Variants in TOX observed in about 807,000 individuals in gnomAD.
TOX encodes the protein thymocyte selection-associated high mobility group box protein TOX.
Under a neutral mutation model 53.7 loss-of-function variants are expected in TOX, and 11 were observed. That is an observed-to-expected ratio of 0.20 (90% CI 0.13 to 0.34). The LOEUF (loss-of-function observed/expected upper bound fraction) is 0.34, where lower values mean the gene tolerates loss of function less well. TOX is among the 10% of genes least tolerant of loss of function. The pLI, the probability that TOX is intolerant of heterozygous loss-of-function variation, is 1.00. For missense variants in TOX, 570 were observed against 664.6 expected, an observed-to-expected ratio of 0.86 and a Z score of 1.56; for synonymous variants, 225 against 245.3, an observed-to-expected ratio of 0.92 and a Z score of 0.77.
intron 5 of TOX, among the ~76,000 whole-genome samples, chr8:58,834,607 T>C (rs1810517775): frequency 6.6e-6 from 1 of 152,168 alleles, no homozygotes; most frequent in African/African-American, 2.4e-5. Flanking sequence ...TTTGCTGAAA[T>C]TTTCTGGATG....
intron 6 of TOX, among the ~76,000 whole-genome samples, chr8:58,823,842 G>A (rs922752626): frequency 7.9e-5 from 12 of 152,150 alleles, no homozygotes; most frequent in Admixed American, 2.6e-4. Flanking sequence ...ACTATGACAT[G>A]GCCACAAATT....
At chr8:59,011,059 C>G (rs887133181) in intron 1 of TOX, among the ~76,000 whole-genome samples, 1 of 152,156 alleles carries the variant, frequency 6.6e-6, no homozygotes, top group African/African-American at 2.4e-5. Flanking sequence ...ATGGAAAAAC[C>G]ATGAGGTTAA....
chr8:59,033,523 G>A (rs1403754340), intron 1 of TOX, among the ~76,000 whole-genome samples: 3 of 152,136 alleles, frequency 2.0e-5, no homozygotes, highest in African/African-American at 7.2e-5. Context: ...GGTTTAAATG[G>A]TAAATTTCAT....
intron 1 of TOX, among the ~76,000 whole-genome samples, chr8:59,012,353 G>T (rs963438807): frequency 6.6e-6 from 1 of 151,964 alleles, no homozygotes; most frequent in South Asian, 2.1e-4. Flanking sequence ...AATACCACGA[G>T]GGGGTGTTGG....
At chr8:59,098,578 T>C (rs1485561029) in intron 1 of TOX, among the ~76,000 whole-genome samples, 1 of 152,144 alleles carries the variant, frequency 6.6e-6, no homozygotes, top group Non-Finnish European at 1.5e-5. Flanking sequence ...AATAGGGCCT[T>C]TCAAGTTGCC....
intron 3 of TOX, among the ~76,000 whole-genome samples, chr8:58,869,207 C>CAG (rs1433900039): frequency 1.7e-5 from 2 of 115,902 alleles, no homozygotes; most frequent in East Asian, 5.2e-4. Context: ...AGTCTGGCAA[C>CAG]AGAGCGAGAC....
intron 1 of TOX, among the ~76,000 whole-genome samples, chr8:59,023,425 C>T (rs1814174663): frequency 1.4e-5 from 2 of 147,114 alleles, no homozygotes; most frequent in Admixed American, 6.8e-5. Flanking sequence ...TGGTCAGTCT[C>T]TGAATTTTAC....
In TOX at chr8:58,881,723, C is replaced by CAAAA. The variant is rs11316154; in HGVS notation, c.412-29922_412-29919dup. Among the ~76,000 whole-genome samples, 97 of 82,360 alleles carry CAAAA rather than the reference C, an allele frequency of 1.2e-3. 2 individuals are homozygous for CAAAA. Among genetic ancestry groups the CAAAA allele is most frequent in the African/African-American group, 1.3e-3 (26 of 19,738 alleles). 54.0% of individuals were successfully genotyped at this position (82,360 alleles called of 152,430 possible). A position where few individuals can be genotyped will look rare whatever the true frequency, so the allele number is the denominator to read the frequency against. Reference sequence around the variant, plus strand: ...TGGGAGACAGAGTGAGATTCCATCTCAAAAAAAAAAAAAAAAAAAAAGGCT... The same window carrying CAAAA: ...TGGGAGACAGAGTGAGATTCCATCTCAAAAAAAAAAAAAAAAAAAAAAAAAGGCT... On this transcript the variant is annotated intron_variant, in intron 3 of 8. Transcript: ENST00000361421.
intron 3 of TOX, among the ~76,000 whole-genome samples, chr8:58,861,192 T>A (rs1811004195): frequency 6.6e-6 from 1 of 152,218 alleles, no homozygotes; most frequent in South Asian, 2.1e-4. Context: ...CTTGACAAGG[T>A]GCATCTCTCA....
intron 3 of TOX, among the ~76,000 whole-genome samples, chr8:58,925,510 C>T (rs59021566): frequency 1.2e-3 from 189 of 152,256 alleles, no homozygotes; most frequent in African/African-American, 4.2e-3. Context: ...AATTGCCTTA[C>T]GTGGACTATC....
chr8:59,100,418 C>T (rs2129424339), intron 1 of TOX, among the ~76,000 whole-genome samples: 1 of 152,268 alleles, frequency 6.6e-6, no homozygotes, highest in South Asian at 2.1e-4. Flanking sequence ...CCCAAGGAAG[C>T]ACCGCTGACA....
chr8:58,982,228 T>C (rs41468545), intron 1 of TOX, among the ~76,000 whole-genome samples: 4,334 of 152,308 alleles, frequency 0.028, 94 homozygotes, highest in Middle Eastern at 0.071. Context: ...TCTCAGCCTT[T>C]TATTTCATCC....
At chr8:58,966,076 G>A (rs1029782449) in intron 1 of TOX, among the ~76,000 whole-genome samples, 3 of 152,034 alleles carry the variant, frequency 2.0e-5, no homozygotes, top group African/African-American at 7.2e-5. Context: ...TGAAAACTGA[G>A]CAAAGCTAAC....
chr8:59,081,117 C>A (rs1352358418), intron 1 of TOX, among the ~76,000 whole-genome samples: 1 of 152,100 alleles, frequency 6.6e-6, no homozygotes, highest in African/African-American at 2.4e-5. Context: ...GTGTCTGCCT[C>A]CTGGGTTCAA....
chr8:58,921,383 CAA>C (rs529897396), intron 3 of TOX, among the ~76,000 whole-genome samples: 2 of 152,132 alleles, frequency 1.3e-5, no homozygotes, highest in South Asian at 4.1e-4. Flanking sequence ...ATCCAAATGT[CAA>C]AAACAGTTCT....
chr8:58,885,897 A>G (rs1158448581), intron 3 of TOX, among the ~76,000 whole-genome samples: 4 of 152,144 alleles, frequency 2.6e-5, no homozygotes, highest in African/African-American at 4.8e-5. Context: ...GGGATTTTCT[A>G]GAGTAGGGAA....
At chr8:58,943,719 C>A (rs1382030099) in intron 2 of TOX, among the ~76,000 whole-genome samples, 1 of 151,484 alleles carries the variant, frequency 6.6e-6, no homozygotes, top group South Asian at 2.1e-4. Context: ...TGAGGGAGGC[C>A]AGGTATAGAT....
chr8:59,031,969 C>T (rs1179833814), intron 1 of TOX, among the ~76,000 whole-genome samples: 1 of 152,190 alleles, frequency 6.6e-6, no homozygotes, highest in African/African-American at 2.4e-5. Context: ...GAATCAGTGG[C>T]ATCATCTGAC....
At chr8:58,818,264 T>C (rs1057369848) in intron 6 of TOX, among the ~76,000 whole-genome samples, 3 of 152,184 alleles carry the variant, frequency 2.0e-5, no homozygotes, top group African/African-American at 7.2e-5. Flanking sequence ...ATCACTAGAA[T>C]AACTATTGGC....
Sources: gnomAD v4.1 joint callset for allele counts (sites outside exome capture counted in the v4.1 genomes callset) on GRCh38, gnomAD v4.1.1 for gene constraint, MANE v1.5 for transcripts, NCBI Gene and HGNC (gene_info 2026-07-23, HGNC 2026-07-21) for gene names.